Variants in TMOD3 observed in about 807,000 individuals in gnomAD.
The protein encoded by TMOD3 is tropomodulin-3.
TMOD3 carries 20 observed loss-of-function variants against 39.2 expected under a neutral mutation model. The ratio of observed to expected loss-of-function variants is 0.51; its 90% CI spans 0.36 to 0.74. The LOEUF (loss-of-function observed/expected upper bound fraction) is 0.74, where lower values mean the gene tolerates loss of function less well. TMOD3 is among the 30% of genes least tolerant of loss of function. The pLI, the probability that TMOD3 is intolerant of heterozygous loss-of-function variation, is 0.00. For missense variants in TMOD3, 381 were observed against 412.8 expected, an observed-to-expected ratio of 0.92 and a Z score of 0.67; for synonymous variants, 143 against 145.8, an observed-to-expected ratio of 0.98 and a Z score of 0.14.
chr15:51,847,176 G>C (rs2056340202), intron 1 of TMOD3, among the ~76,000 whole-genome samples: 1 of 152,194 alleles, frequency 6.6e-6, no homozygotes. Context: ...AACCTGTCAA[G>C]TATTTTCTTG....
chr15:51,904,380 T>C (rs2056667401), intron 9 of TMOD3, among the ~76,000 whole-genome samples: 2 of 152,242 alleles, frequency 1.3e-5, no homozygotes, highest in Non-Finnish European at 2.9e-5. Context: ...AAACCATGCC[T>C]GACACACAAT....
intron 1 of TMOD3, among the ~76,000 whole-genome samples, chr15:51,841,872 C>T (rs532053173): frequency 2.6e-5 from 4 of 152,246 alleles, no homozygotes; most frequent in South Asian, 2.1e-4. Context: ...TGTGTTCAAG[C>T]GATTCTCCTA....
intron 1 of TMOD3, among the ~76,000 whole-genome samples, chr15:51,843,946 A>G (rs2056324311): frequency 6.6e-6 from 1 of 150,728 alleles, no homozygotes; most frequent in Non-Finnish European, 1.5e-5. Flanking sequence ...ATGATGGCCG[A>G]TGGTTCTTAT....
In TMOD3 at chr15:51,832,203, T is replaced by TTATATATATATATATATA. The variant is rs3985812; in HGVS notation, c.-75+2379_-75+2396dup. On this transcript the variant is annotated intron_variant, in intron 1 of 9. Coordinates refer to ENST00000308580, the MANE Select transcript of TMOD3 (RefSeq NM_014547.5). ...TGTCTCTCTAAAAAAAGAAAAAAAA[T>TTATATATATATATATATA]TATATATATATATATATATATATAT... 9.0e-3 allele frequency among the ~76,000 whole-genome samples: 712 copies of TTATATATATATATATATA among 79,198 alleles called. 28 individuals carry two copies. The highest frequency in any genetic ancestry group is 0.016 in the East Asian group (48 of 2,934). 52.0% of individuals were successfully genotyped at this position (79,198 alleles called of 152,430 possible).
intron 1 of TMOD3, among the ~76,000 whole-genome samples, chr15:51,838,065 T>G (rs2056295146): frequency 6.6e-6 from 1 of 152,214 alleles, no homozygotes; most frequent in Admixed American, 6.5e-5. Context: ...CGGAAGAGCA[T>G]GGAGGCGTAC....
At chr15:51,835,217 A>T (rs1327039390) in intron 1 of TMOD3, among the ~76,000 whole-genome samples, 1 of 152,230 alleles carries the variant, frequency 6.6e-6, no homozygotes, top group Non-Finnish European at 1.5e-5. Context: ...ATAGCAAGCT[A>T]TAGGGAGCTT....
rs1437219433 is a variant in TMOD3, at chr15:51,854,471, C to G, written c.-74-8340C>G. 5.3e-5 allele frequency among the ~76,000 whole-genome samples: 8 copies of G among 152,148 alleles called. No individual in the cohort carries two copies. The East Asian group carries it at 1.5e-3, about 29-fold the overall frequency. ...AGAATCTGAAAACTCTGAGCCCACC[C>G]TATGGAAATGGTGGTGAAATGGAGG... is the stretch of plus-strand genomic sequence containing the variant. On this transcript the variant is annotated intron_variant, in intron 1 of 9. Coordinates refer to ENST00000308580, the MANE Select transcript of TMOD3 (RefSeq NM_014547.5).
At chr15:51,896,713 CT>C (rs2056622752) in intron 7 of TMOD3, among the ~76,000 whole-genome samples, 187 bp downstream of exon 7, 1 of 152,060 alleles carries the variant, frequency 6.6e-6, no homozygotes, top group Non-Finnish European at 1.5e-5. Context: ...TTTTTTCCCC[CT>C]CCCAGCTTCC....
At chr15:51,887,787 T>A in intron 4 of TMOD3, 76 bp downstream of exon 4, 1 of 1,554,830 alleles carries the variant, frequency 6.4e-7, no homozygotes, top group Non-Finnish European at 8.7e-7. Context: ...CTATATACAT[T>A]ATACAAACGT....
At chr15:51,894,938 C>T (rs966045793) in intron 6 of TMOD3, among the ~76,000 whole-genome samples, 2 of 152,120 alleles carry the variant, frequency 1.3e-5, no homozygotes, top group Admixed American at 1.3e-4. Context: ...TGCAACTCTT[C>T]CTTGGAGTAA....
chr15:51,843,849 A>G (rs1007635378), intron 1 of TMOD3, among the ~76,000 whole-genome samples: 3 of 151,546 alleles, frequency 2.0e-5, no homozygotes, highest in East Asian at 3.9e-4. Flanking sequence ...ATATAATTAC[A>G]TATTTCTTAA....
rs150366626 is a variant in TMOD3 at position 51,863,049 on chromosome 15, C to T, written c.126+39C>T. On this transcript the variant is annotated intron_variant, in intron 2 of 9. Coordinates refer to ENST00000308580, the MANE Select transcript of TMOD3 (RefSeq NM_014547.5). The stretch of plus-strand genomic sequence containing the variant: ...GATGAAGAGAAATGAAATAACTTTT[C>T]GAATTCTTTGAAACTCAGTAGCTGC... 6.0e-3 allele frequency: 9,496 copies of T among 1,588,892 alleles called. 44 individuals carry two copies. The highest frequency in any genetic ancestry group is 7.0e-3 in the Non-Finnish European group (8,164 of 1,169,308).
At chr15:51,905,806 C>T (rs1004951051) in intron 9 of TMOD3, among the ~76,000 whole-genome samples, 10 of 151,168 alleles carry the variant, frequency 6.6e-5, no homozygotes, top group African/African-American at 1.7e-4. Flanking sequence ...TAGCTGGGCG[C>T]GGTGGCGGGC....
chr15:51,898,359 T>A (rs2056631951), intron 7 of TMOD3, among the ~76,000 whole-genome samples: 1 of 152,224 alleles, frequency 6.6e-6, no homozygotes, highest in Non-Finnish European at 1.5e-5. Flanking sequence ...TTCCTGACCG[T>A]GCTATATAAA....
intron 1 of TMOD3, among the ~76,000 whole-genome samples, chr15:51,836,475 C>A (rs1212653817): frequency 6.6e-6 from 1 of 152,114 alleles, no homozygotes. Context: ...GCCTATAATC[C>A]CAGCACCTTG....
intron 1 of TMOD3, among the ~76,000 whole-genome samples, chr15:51,843,313 G>A (rs1257177382): frequency 6.6e-6 from 1 of 152,152 alleles, no homozygotes; most frequent in Non-Finnish European, 1.5e-5. Flanking sequence ...ATGAACTTTG[G>A]ATATCTGTGA....
intron 1 of TMOD3, among the ~76,000 whole-genome samples, chr15:51,852,888 G>T (rs2056369627): frequency 6.6e-6 from 1 of 152,196 alleles, no homozygotes; most frequent in African/African-American, 2.4e-5. Context: ...CATAATTGTT[G>T]GTTTGAAGTA....
chr15:51,863,630 C>T (rs2056430216), intron 2 of TMOD3, among the ~76,000 whole-genome samples: 1 of 152,158 alleles, frequency 6.6e-6, no homozygotes, highest in African/African-American at 2.4e-5. Context: ...TTGTTATTCC[C>T]TGATATGTTG....
chr15:51,911,132 C>T lies in TMOD3; in HGVS notation c.*2322C>T, dbSNP rs1405940340. ...TTGGTCACCTAGACTTTCAGTCAGG[C>T]ATCCTCGTTTGCATTGTCCTGTAAG... On this transcript the variant is annotated 3_prime_UTR_variant, in exon 10 of 10. Transcript: ENST00000308580. 2 of 152,216 alleles carry T rather than the reference C, an allele frequency of 1.3e-5. No homozygotes were observed. Among genetic ancestry groups the T allele is most frequent in the Admixed American group, 1.3e-4 (2 of 15,280 alleles). The allele number at this position is 152,216 out of a possible 1,614,324, so 9.4% of individuals were successfully genotyped here.
Sources: gnomAD v4.1 joint callset for allele counts (sites outside exome capture counted in the v4.1 genomes callset) on GRCh38, gnomAD v4.1.1 for gene constraint, MANE v1.5 for transcripts, NCBI Gene and HGNC (gene_info 2026-07-23, HGNC 2026-07-21) for gene names.